The following LRRC24 variants were observed in gnomAD, a reference collection of about 807,000 sequenced individuals.
The protein encoded by LRRC24 is leucine-rich repeat-containing protein 24.
Under a neutral mutation model 15.3 loss-of-function variants are expected in LRRC24, and 19 were observed. The observed-to-expected ratio is 1.25, with a 90% CI of 0.87 to 1.83. LRRC24 has a LOEUF of 1.83. Among genes scored for constraint, LRRC24 ranks in the 40% most tolerant of loss-of-function variants. LRRC24 has a pLI of 0.00. For missense variants in LRRC24, 914 were observed against 723.9 expected, an observed-to-expected ratio of 1.26 and a Z score of -3.01; for synonymous variants, 469 against 359.6, an observed-to-expected ratio of 1.30 and a Z score of -3.44.
In LRRC24 at chr8:144,524,943, A is replaced by G. The variant is rs557951669; in HGVS notation, c.32T>C (p.Leu11Pro). MALRAPALLP[L>P]LLLLLPLRAA... Reference sequence around the variant, plus strand: ...GCGGAGCGGCAGTAGTAGCAGCAGCAGCGGCAGCAGTGCGGGGGCCCTCAG... The same window carrying G: ...GCGGAGCGGCAGTAGTAGCAGCAGCGGCGGCAGCAGTGCGGGGGCCCTCAG... The change falls in exon 2 of 5, where the codon CTG becomes CCG. Residue 11 changes from leucine to proline, a missense_variant. By Grantham distance (98) the Leu-to-Pro change is moderately conservative. Transcript: ENST00000529415. 20 of 1,506,088 alleles carry G rather than the reference A, an allele frequency of 1.3e-5. No homozygotes were observed. In the East Asian group the frequency reaches 4.8e-4, roughly 36 times the overall value. The allele number at this position is 1,506,088 out of a possible 1,614,324, so 93.3% of individuals were successfully genotyped here. A position where few individuals can be genotyped will look rare whatever the true frequency, so the allele number is the denominator to read the frequency against.
At chr8:144,523,975 G>A in intron 4 of LRRC24, 135 bp downstream of exon 4, 1 of 1,039,756 alleles carries the variant, frequency 9.6e-7, no homozygotes, top group Non-Finnish European at 1.4e-6. Context: ...CAGCCCTCCA[G>A]TGTGGCTGCA....
In LRRC24 at chr8:144,524,392, C is replaced by G; in HGVS notation, c.438+49G>C. ...TTCTAACTATTCCAGCCCTACAGGG[C>G]GAGGGGCCATAATGGAGTATCCCGC... On this transcript the variant is annotated intron_variant, in intron 3 of 4. Transcript: ENST00000529415. 1.9e-6 allele frequency: 3 copies of G among 1,594,056 alleles called. No homozygotes were observed. The South Asian group carries it at 3.3e-5, about 18-fold the overall frequency.
intron 1 of LRRC24, among the ~76,000 whole-genome samples, chr8:144,525,474 C>A (rs1816329487): frequency 6.6e-6 from 1 of 152,140 alleles, no homozygotes; most frequent in Admixed American, 6.5e-5. Context: ...GTCCCATTAC[C>A]CAAGCATGGC....
Position 144,522,621 on chromosome 8 carries a change from G to T in LRRC24, c.1396C>A (p.Arg466Ser). The change falls in exon 5 of 5, where the codon CGC becomes AGC. Residue 466 changes from arginine (R) to serine (S), a missense_variant. Coordinates refer to ENST00000529415, the MANE Select transcript of LRRC24 (RefSeq NM_001024678.4). Reference protein sequence around the residue: ...FAQLEELRDERGHEMFVINRS... With the variant: ...FAQLEELRDESGHEMFVINRS... ...TTGATGACGAACATCTCGTGGCCGC[G>T]CTCGTCGCGGAGCTCCTCTAGCTGT... 6.4e-7 allele frequency: 1 copy of T among 1,573,622 alleles called. No homozygotes were observed. The highest frequency in any genetic ancestry group is 8.6e-7 in the Non-Finnish European group (1 of 1,162,398).
chr8:144,523,523 C>T (rs1006321022), intron 4 of LRRC24, 114 bp from the exon 5 acceptor site: 47 of 1,402,544 alleles, frequency 3.4e-5, no homozygotes, highest in Non-Finnish European at 3.7e-5. Flanking sequence ...ACAGCGTTTT[C>T]ACACGGAGTC....
Position 144,524,213 on chromosome 8 carries a change from C to A in LRRC24, c.504G>T (p.Gly168=), listed in dbSNP as rs986329155. Residue 168 remains glycine (G), a synonymous_variant, in exon 4 of 5, where the codon GGG becomes GGT. Coordinates refer to ENST00000529415, the MANE Select transcript of LRRC24 (RefSeq NM_001024678.4). ...IELLEDQALA[G]LSSLALLDLS... is the part of the protein sequence containing the mutation. ...GGTCCAGCAGTGCTAGGGAGGACAGCCCCGCTAGAGCCTGGTCCTCCAGCA... is the reference window on the plus strand; with the variant it reads ...GGTCCAGCAGTGCTAGGGAGGACAGACCCGCTAGAGCCTGGTCCTCCAGCA... 6.2e-7 allele frequency: 1 copy of A among 1,612,514 alleles called. No homozygotes were observed. The highest frequency in any genetic ancestry group is 1.3e-5 in the African/African-American group (1 of 74,940).
chr8:144,523,446 T>C (rs940040166), intron 4 of LRRC24, 37 bp from the exon 5 acceptor site: 1 of 1,504,774 alleles, frequency 6.6e-7, no homozygotes, highest in Non-Finnish European at 8.8e-7. Context: ...GGCTTGAGGG[T>C]GCTGCTAAAA....
Position 144,522,959 on chromosome 8 carries a change from G to T in LRRC24, c.1058C>A (p.Ala353Asp), listed in dbSNP as rs779532563. ...CAGGAGCCGGAAGGGCACGCGGGCA[G>T]CGCCGCCGGCGTTGGAGGCCTCGCA... Reference protein sequence around the residue: ...YECEASNAGGAARVPFRLLVN... With the variant: ...YECEASNAGGDARVPFRLLVN... The change falls in exon 5 of 5, where the codon GCT becomes GAT. Residue 353 changes from alanine to aspartate, a missense_variant. Physicochemically the swap from Ala to Asp is moderately radical, Grantham distance 126. Transcript: ENST00000529415. 1 of 1,578,234 alleles carries T rather than the reference G, an allele frequency of 6.3e-7. No individual in the cohort carries two copies. The highest frequency in any genetic ancestry group is 2.3e-5 in the East Asian group (1 of 42,866).
At chr8:144,523,536 A>G (rs1816218538) in intron 4 of LRRC24, 127 bp from the exon 5 acceptor site, 1 of 1,365,972 alleles carries the variant, frequency 7.3e-7, no homozygotes, top group African/African-American at 1.5e-5. Context: ...ACGGAGTCCA[A>G]GGCCCTGCCA....
In LRRC24 at chr8:144,522,602, A is replaced by T; in HGVS notation, c.1415T>A (p.Val472Asp). 1 of 1,568,888 alleles carries T rather than the reference A, an allele frequency of 6.4e-7. No homozygotes were observed. ...LRDERGHEMF[V>D]INRSKPLFAE... ...GAAGAGCGGCTTGGAGCGGTTGATG[A>T]CGAACATCTCGTGGCCGCGCTCGTC... The change falls in exon 5 of 5, where the codon GTC (valine) becomes GAC (aspartate). Residue 472 changes from valine (V) to aspartate (D), a missense_variant. Physicochemically the swap from Val to Asp is radical, Grantham distance 152. Coordinates refer to ENST00000529415, the MANE Select transcript of LRRC24 (RefSeq NM_001024678.4).
In LRRC24 at chr8:144,522,746, A is replaced by G. The variant is rs776040126; in HGVS notation, c.1271T>C (p.Met424Thr). Residue 424 changes from methionine (M) to threonine (T), a missense_variant, in exon 5 of 5, where the codon ATG becomes ACG. Transcript: ENST00000529415. ...TCGCCTGCGGCGCCGGCGACAGATC[A>G]TGGCGACCAGGAGCAGCGCCGTGAG... is the stretch of plus-strand genomic sequence containing the variant. ...LALTALLLVA[M>T]ICRRRRRRKK... is the part of the protein sequence containing the mutation. 1.3e-6 allele frequency: 2 copies of G among 1,587,768 alleles called. No homozygotes were observed. Among genetic ancestry groups the G allele is most frequent in the Non-Finnish European group, 1.7e-6 (2 of 1,169,104 alleles).
At chr8:144,523,568 C>G in intron 4 of LRRC24, 159 bp from the exon 5 acceptor site, 3 of 1,204,674 alleles carry the variant, frequency 2.5e-6, no homozygotes, top group Non-Finnish European at 3.2e-6. Context: ...ACCCCAAGCT[C>G]CTTGGGGCGG....
chr8:144,522,866 C>A lies in LRRC24; in HGVS notation c.1151G>T (p.Gly384Val), dbSNP rs555224620. Residue 384 changes from glycine to valine, a missense_variant, in exon 5 of 5, where the codon GGC becomes GTC. Physicochemically the swap from Gly to Val is moderately radical, Grantham distance 109. Transcript: ENST00000529415. ...QPPPPAARPA[G>V]SEPRPEAGSM... ...GCCCGCCTCGGGCCGGGGCTCGCTG[C>A]CGGCGGGGCGGGCGGCCGGAGGCGG... 7 of 1,268,260 alleles carry A rather than the reference C, an allele frequency of 5.5e-6. No homozygotes were observed. The highest frequency in any genetic ancestry group is 2.9e-4 in the Middle Eastern group (1 of 3,452). 78.6% of individuals were successfully genotyped at this position (1,268,260 alleles called of 1,614,324 possible).
At position 144,523,174 on chromosome 8, in the gene LRRC24, G is replaced by A. The variant is rs1334317651; in HGVS notation, c.843C>T (p.Cys281=). 3.1e-6 allele frequency: 5 copies of A among 1,610,096 alleles called. No individual in the cohort carries two copies. Among genetic ancestry groups the A allele is most frequent in the Admixed American group, 1.7e-5 (1 of 59,624 alleles). Residue 281 remains cysteine (C), a synonymous_variant, in exon 5 of 5, where the codon TGC becomes TGT. Coordinates refer to ENST00000529415, the MANE Select transcript of LRRC24 (RefSeq NM_001024678.4). ...ANLGEDLRVA[C]QASGYPQPLV... is the part of the protein sequence containing the mutation. ...ATGGCTGCGGGTAGCCGGAGGCTTG[G>A]CAGGCAACCCGCAGGTCCTCACCCA...
At chr8:144,525,652 G>A (rs1816334283) in intron 1 of LRRC24, 1 of 152,148 alleles carries the variant, frequency 6.6e-6, no homozygotes. Context: ...ACTAGAATTG[G>A]GCCTTTTTCT....
At position 144,524,195 on chromosome 8, in the gene LRRC24, C is replaced by T. The variant is rs1265834380; in HGVS notation, c.522G>A (p.Leu174=). The T allele has an allele frequency of 1.9e-6, 3 of 1,612,358 alleles. No homozygotes were observed. The highest frequency in any genetic ancestry group is 1.7e-5 in the Admixed American group (1 of 60,018). The change falls in exon 4 of 5, where the codon CTG becomes CTA. Residue 174 remains leucine, a synonymous_variant. Coordinates refer to ENST00000529415, the MANE Select transcript of LRRC24 (RefSeq NM_001024678.4). ...CCAGCTGGTTCCTGCTGAGGTCCAG[C>T]AGTGCTAGGGAGGACAGCCCCGCTA... ...QALAGLSSLA[L]LDLSRNQLGT...
At chr8:144,523,821 C>T (rs920142003) in intron 4 of LRRC24, 2 of 475,612 alleles carry the variant, frequency 4.2e-6, no homozygotes, top group South Asian at 7.0e-5. Flanking sequence ...TCAGCTGTCT[C>T]TCTCCTTTGC....
At position 144,522,733 on chromosome 8, in the gene LRRC24, C is replaced by G. The variant is rs752813705; in HGVS notation, c.1284G>C (p.Arg428=). The G allele has an allele frequency of 3.8e-5, 61 of 1,591,698 alleles. No individual in the cohort carries two copies. Among genetic ancestry groups the G allele is most frequent in the Non-Finnish European group, 5.0e-5 (58 of 1,170,740 alleles). The change falls in exon 5 of 5, where the codon CGG becomes CGC. Residue 428 remains arginine (R), a synonymous_variant. Coordinates refer to ENST00000529415, the MANE Select transcript of LRRC24 (RefSeq NM_001024678.4). The part of the protein sequence containing the change: ...ALLLVAMICR[R]RRRRKKARGP... ...CCCGCGCCTTTTTTCGCCTGCGGCGCCGGCGACAGATCATGGCGACCAGGA... is the reference window on the plus strand; with the variant it reads ...CCCGCGCCTTTTTTCGCCTGCGGCGGCGGCGACAGATCATGGCGACCAGGA...
Position 144,524,985 on chromosome 8 carries a change from C to T in LRRC24, c.-11G>A, listed in dbSNP as rs1200692430. On this transcript the variant is annotated 5_prime_UTR_variant, in exon 2 of 5. Transcript: ENST00000529415. The stretch of plus-strand genomic sequence containing the variant: ...GGCCCTCAGGGCCATCTCCCGAGGC[C>T]CGGTTCCTCACCGGCCCTTCCGCGG... 74 of 1,443,016 alleles carry T rather than the reference C, an allele frequency of 5.1e-5. No individual in the cohort carries two copies. In the East Asian group the frequency reaches 1.9e-3, roughly 37 times the overall value. The allele number at this position is 1,443,016 out of a possible 1,614,324, so 89.4% of individuals were successfully genotyped here.
Sources: gnomAD v4.1 joint callset for allele counts (sites outside exome capture counted in the v4.1 genomes callset) on GRCh38, gnomAD v4.1.1 for gene constraint, MANE v1.5 for transcripts, NCBI Gene and HGNC (gene_info 2026-07-23, HGNC 2026-07-21) for gene names.